FRMD6: variants seen among roughly 807,000 people sequenced by gnomAD.
FRMD6 encodes the protein FERM domain containing 6, also known as FERM domain-containing protein 6.
FRMD6 carries 37 observed loss-of-function variants against 73.2 expected under a neutral mutation model. The observed-to-expected ratio is 0.51, with a 90% confidence interval of 0.39 to 0.66. The LOEUF (loss-of-function observed/expected upper bound fraction) is 0.66, where lower values mean the gene tolerates loss of function less well. Among genes scored for constraint, FRMD6 ranks in the 30% least tolerant of loss-of-function variants. The probability of loss-of-function intolerance (pLI) is 0.00; values close to 1 mark genes in which losing one functional copy is unlikely to be tolerated. For missense variants in FRMD6, 714 were observed against 780.5 expected (o/e 0.91, Z 1.02); for synonymous variants, 273 against 282.2 (o/e 0.97, Z 0.33).
the FRMD6 span, among the ~76,000 whole-genome samples, chr14:51,409,295 G>T: frequency 6.8e-6 from 1 of 147,982 alleles, no homozygotes; most frequent in African/African-American, 2.5e-5. Flanking sequence ...CAGCCTAAGT[G>T]CTCGACTTAC....
At chr14:51,613,660 A>C (rs1400579794) in intron 2 of FRMD6, among the ~76,000 whole-genome samples, 1 of 152,116 alleles carries the variant, frequency 6.6e-6, no homozygotes, top group East Asian at 1.9e-4. Flanking sequence ...GGCTTGATTC[A>C]AGGCCCACTG....
chr14:51,466,802 A>G, the FRMD6 span, among the ~76,000 whole-genome samples: 3 of 152,250 alleles, frequency 2.0e-5, no homozygotes, highest in South Asian at 2.1e-4. Flanking sequence ...TAAGGATTAC[A>G]TAGACTCTAA....
intron 12 of FRMD6, among the ~76,000 whole-genome samples, chr14:51,724,558 T>C (rs1355235719): frequency 6.6e-6 from 1 of 152,216 alleles, no homozygotes; most frequent in Non-Finnish European, 1.5e-5. Flanking sequence ...AGTAATGTCT[T>C]CATATTTCAT....
chr14:51,596,889 C>T (rs573620858), intron 2 of FRMD6, among the ~76,000 whole-genome samples: 57 of 152,328 alleles, frequency 3.7e-4, no homozygotes, highest in African/African-American at 1.2e-3. Context: ...CGCATGTATA[C>T]GTGGGGTCCT....
At position 51,544,707 on chromosome 14, in the gene FRMD6, C is replaced by T. The variant is rs558579930; in HGVS notation, c.-209-25641C>T. 3.0e-4 allele frequency among the ~76,000 whole-genome samples: 46 copies of T among 151,560 alleles called. No homozygotes were observed. The South Asian group carries it at 3.8e-3, about 12-fold the overall frequency. The stretch of plus-strand genomic sequence containing the variant: ...TTTTTTAATCAATTTTACTTTGTTG[C>T]GGCTTTTGGGCTTGGAATGAAATAA... On this transcript the variant is annotated intron_variant, in intron 1 of 14. Coordinates refer to the FRMD6 transcript ENST00000356218.
chr14:51,423,112 C>G, the FRMD6 span, among the ~76,000 whole-genome samples: 2 of 152,328 alleles, frequency 1.3e-5, no homozygotes, highest in South Asian at 2.1e-4. Context: ...AGCTAGAAAC[C>G]TTTGTTGTGC....
chr14:51,523,828 T>A (rs971570919), intron 1 of FRMD6, among the ~76,000 whole-genome samples: 9 of 152,244 alleles, frequency 5.9e-5, no homozygotes, highest in African/African-American at 2.2e-4. Context: ...TAAAGCATTC[T>A]GTATTCAGTG....
At chr14:51,603,171 C>G (rs1402310521) in intron 2 of FRMD6, among the ~76,000 whole-genome samples, 2 of 152,192 alleles carry the variant, frequency 1.3e-5, no homozygotes, top group African/African-American at 2.4e-5. Flanking sequence ...CAGCCCTCAC[C>G]AGACACTGAA....
intron 2 of FRMD6, among the ~76,000 whole-genome samples, chr14:51,632,818 T>G (rs1002710515): frequency 6.6e-6 from 1 of 152,232 alleles, no homozygotes; most frequent in African/African-American, 2.4e-5. Context: ...AGGGGAATTC[T>G]TCTTTAAAAA....
In FRMD6 at chr14:51,623,052, T is replaced by C. The variant is rs75008826; in HGVS notation, c.-147+52642T>C. Among the ~76,000 whole-genome samples, 370 of 152,302 alleles carry C rather than the reference T, an allele frequency of 2.4e-3. 4 individuals carry two copies. The highest frequency in any genetic ancestry group is 8.6e-3 in the African/African-American group (356 of 41,570). ...CATGCCCAGTCATGGCTTCGTCATTTGTCATAAGATCCTCTGTTTTCTTGG... is the reference window on the plus strand; with the variant it reads ...CATGCCCAGTCATGGCTTCGTCATTCGTCATAAGATCCTCTGTTTTCTTGG... On this transcript the variant is annotated intron_variant, in intron 2 of 14. Transcript: ENST00000356218.
At chr14:51,480,381 C>T in the FRMD6 span, among the ~76,000 whole-genome samples, 1 of 152,152 alleles carries the variant, frequency 6.6e-6, no homozygotes, top group Admixed American at 6.5e-5. Context: ...AGGCAGAGAA[C>T]AAACGAATTG....
rs1381364346 is a variant in FRMD6, at chr14:51,717,870, A to G, written c.1025-2185A>G. On this transcript the variant is annotated intron_variant, in intron 10 of 13. Coordinates refer to ENST00000344768, the MANE Select transcript of FRMD6 (RefSeq NM_001267046.2). ...ATTTTTCCATAGGGTTTAGAAGAGAAACAAAAACATGCCTTGCGTCATTTA... is the reference window on the plus strand; with the variant it reads ...ATTTTTCCATAGGGTTTAGAAGAGAGACAAAAACATGCCTTGCGTCATTTA... Among the ~76,000 whole-genome samples the G allele has an allele frequency of 2.0e-5, 3 of 152,248 alleles. No homozygotes were observed. In the East Asian group the frequency reaches 5.8e-4, roughly 29 times the overall value.
rs1316245890 is a variant in FRMD6, at chr14:51,689,923, C to T, written c.87C>T (p.Asn29=). ...CIFLPNDESL[N]IIINVKILCH... ...TCCTTCCCAACGATGAATCTCTGAACATCATCATAAATGTGAGTAGATCCA... is the reference window on the plus strand; with the variant it reads ...TCCTTCCCAACGATGAATCTCTGAATATCATCATAAATGTGAGTAGATCCA... The change falls in exon 2 of 14, where the codon AAC becomes AAT. Residue 29 remains asparagine, a synonymous_variant. Transcript: ENST00000344768. The T allele has an allele frequency of 1.9e-6, 3 of 1,602,128 alleles. No individual in the cohort carries two copies. The highest frequency in any genetic ancestry group is 8.6e-7 in the Non-Finnish European group (1 of 1,169,126).
At chr14:51,501,688 T>C (rs907557079) in intron 1 of FRMD6, among the ~76,000 whole-genome samples, 9 of 152,326 alleles carry the variant, frequency 5.9e-5, no homozygotes, top group Admixed American at 3.9e-4. Context: ...AACGCATGCA[T>C]GTTTCTTTAT....
At chr14:51,678,921 G>A (rs2140289612) in intron 1 of FRMD6, among the ~76,000 whole-genome samples, 2 of 152,250 alleles carry the variant, frequency 1.3e-5, no homozygotes, top group South Asian at 4.1e-4. Flanking sequence ...AAGTATGAAA[G>A]CAAGACTTGT....
chr14:51,581,979 T>C (rs978856724), intron 2 of FRMD6, among the ~76,000 whole-genome samples: 1 of 152,218 alleles, frequency 6.6e-6, no homozygotes, highest in Non-Finnish European at 1.5e-5. Flanking sequence ...TCCCAGCTCT[T>C]CCATTTTGAG....
At position 51,712,469 on chromosome 14, in the gene FRMD6, T is replaced by C. The variant is rs2140530147; in HGVS notation, c.781-14T>C. 1 of 1,524,956 alleles carries C rather than the reference T, an allele frequency of 6.6e-7. No individual in the cohort carries two copies. The highest frequency in any genetic ancestry group is 9.1e-7 in the Non-Finnish European group (1 of 1,101,112). The allele number at this position is 1,524,956 out of a possible 1,614,324, so 94.5% of individuals were successfully genotyped here. ...ATTTTTCCCATTAACTCCATATGCA[T>C]ATTCTTTTCACAGAATTTAGATGAA... On this transcript the variant is annotated splice_polypyrimidine_tract_variant and intron_variant, in intron 8 of 13. Coordinates refer to ENST00000344768, the MANE Select transcript of FRMD6 (RefSeq NM_001267046.2).
rs574263943 is a variant in FRMD6, at chr14:51,577,373, A to G, written c.-147+6963A>G. ...TGAAATTTCCATTCAACCGTGTTTC[A>G]TCTCCAGCCACTATCATCATCATGA... On this transcript the variant is annotated intron_variant, in intron 2 of 14. Coordinates refer to the FRMD6 transcript ENST00000356218. Among the ~76,000 whole-genome samples the G allele has an allele frequency of 1.1e-4, 16 of 152,254 alleles. No homozygotes were observed. In the South Asian group the frequency reaches 1.5e-3, roughly 14 times the overall value.
the FRMD6 span, among the ~76,000 whole-genome samples, chr14:51,415,073 A>G: frequency 6.6e-6 from 1 of 152,122 alleles, no homozygotes; most frequent in Non-Finnish European, 1.5e-5. Context: ...GGGTTTTCTA[A>G]ATATACAATC....
Sources: allele counts gnomAD v4.1 joint callset (sites outside exome capture counted in the v4.1 genomes callset), GRCh38; gene constraint gnomAD v4.1.1; transcripts MANE v1.5; gene names NCBI Gene and HGNC (gene_info 2026-07-23, HGNC 2026-07-21).